Variants in CSRNP3 observed in about 807,000 individuals in gnomAD.
CSRNP3 encodes cysteine/serine-rich nuclear protein 3.
In CSRNP3, 12 loss-of-function variants were observed where a neutral mutation model predicts 48.0. That is an observed-to-expected ratio of 0.25 (90% confidence interval 0.16 to 0.41). The LOEUF (loss-of-function observed/expected upper bound fraction) is 0.41. Ranked by LOEUF, CSRNP3 falls within the 10% of genes least tolerant of loss-of-function variation. The pLI is 1.00. For missense variants in CSRNP3, 580 were observed against 724.4 expected, an observed-to-expected ratio of 0.80 and a Z score of 2.29; for synonymous variants, 263 against 269.7, an observed-to-expected ratio of 0.98 and a Z score of 0.24.
At chr2:165,653,151 A>G (rs532835406) in intron 4 of CSRNP3, among the ~76,000 whole-genome samples, 1 of 152,114 alleles carries the variant, frequency 6.6e-6, no homozygotes, top group Non-Finnish European at 1.5e-5. Flanking sequence ...ATAGCCCATA[A>G]AGGCTCATGT....
intron 4 of CSRNP3, among the ~76,000 whole-genome samples, chr2:165,656,392 A>G (rs1687005747): frequency 6.6e-6 from 1 of 152,214 alleles, no homozygotes; most frequent in African/African-American, 2.4e-5. Context: ...ATGTTCCTGT[A>G]ACTAATAATA....
intron 4 of CSRNP3, among the ~76,000 whole-genome samples, chr2:165,654,576 A>G (rs1277997087): frequency 2.0e-5 from 3 of 152,196 alleles, no homozygotes; most frequent in East Asian, 1.9e-4. Context: ...CATCACTGGA[A>G]TGGAAGCTCC....
intron 2 of CSRNP3, among the ~76,000 whole-genome samples, chr2:165,515,091 G>A (rs1465476022): frequency 2.6e-5 from 4 of 151,874 alleles, no homozygotes; most frequent in South Asian, 4.2e-4. Context: ...AGGCTGAGAC[G>A]GGCGGATCAT....
intron 4 of CSRNP3, among the ~76,000 whole-genome samples, chr2:165,616,720 G>A (rs1308624101): frequency 6.6e-6 from 1 of 152,100 alleles, no homozygotes; most frequent in Non-Finnish European, 1.5e-5. Context: ...TGACTATAAT[G>A]TCTCTTGGAG....
At chr2:165,495,326 G>T (rs1439551297) in intron 2 of CSRNP3, among the ~76,000 whole-genome samples, 1 of 151,996 alleles carries the variant, frequency 6.6e-6, no homozygotes, top group Non-Finnish European at 1.5e-5. Flanking sequence ...ATGAGAAAAT[G>T]ATGTTTCTTT....
At chr2:165,636,830 A>AT (rs2105330885) in intron 4 of CSRNP3, among the ~76,000 whole-genome samples, 1 of 152,222 alleles carries the variant, frequency 6.6e-6, no homozygotes, top group South Asian at 2.1e-4. Flanking sequence ...TAATTAGTTC[A>AT]TTTACTAATT....
At chr2:165,478,574 A>G (rs1240903490) in intron 1 of CSRNP3, among the ~76,000 whole-genome samples, 2 of 152,172 alleles carry the variant, frequency 1.3e-5, no homozygotes, top group East Asian at 1.9e-4. Context: ...TATTTACCTT[A>G]CTTTTCTTCT....
At chr2:165,652,947 A>G (rs1686938932) in intron 4 of CSRNP3, among the ~76,000 whole-genome samples, 1 of 152,212 alleles carries the variant, frequency 6.6e-6, no homozygotes, top group African/African-American at 2.4e-5. Context: ...TGAACTCTGT[A>G]GAGACACAAA....
Position 165,611,305 on chromosome 2 carries a change from G to A in CSRNP3, c.148+16092G>A, listed in dbSNP as rs1367228650. ...AGGGATAAATGAGAACACTGAAGATGATAACTATGTGAGGCAACACAATTG... is the reference window on the plus strand; with the variant it reads ...AGGGATAAATGAGAACACTGAAGATAATAACTATGTGAGGCAACACAATTG... On this transcript the variant is annotated intron_variant, in intron 4 of 6. Transcript: ENST00000651982. Among the ~76,000 whole-genome samples the A allele has an allele frequency of 4.0e-5, 6 of 151,786 alleles. No homozygotes were observed. In the East Asian group the frequency reaches 1.2e-3, roughly 29 times the overall value.
chr2:165,531,581 G>T (rs1209465733), intron 3 of CSRNP3, among the ~76,000 whole-genome samples: 1 of 152,148 alleles, frequency 6.6e-6, no homozygotes, highest in Non-Finnish European at 1.5e-5. Flanking sequence ...CAAAGGACAT[G>T]AACTCATTAT....
chr2:165,668,001 A>G (rs1377962796), intron 5 of CSRNP3, among the ~76,000 whole-genome samples: 1 of 152,214 alleles, frequency 6.6e-6, no homozygotes, highest in Non-Finnish European at 1.5e-5. Flanking sequence ...ATCAATTACT[A>G]TGGGACTGGT....
intron 2 of CSRNP3, among the ~76,000 whole-genome samples, chr2:165,511,918 G>A (rs1055791772): frequency 6.6e-6 from 1 of 152,138 alleles, no homozygotes; most frequent in Non-Finnish European, 1.5e-5. Context: ...ATTTAATCAG[G>A]TGGGTTTTTT....
chr2:165,547,643 A>G (rs1310007945), intron 3 of CSRNP3, among the ~76,000 whole-genome samples: 1 of 151,874 alleles, frequency 6.6e-6, no homozygotes, highest in Non-Finnish European at 1.5e-5. Flanking sequence ...CTTCTTTTAG[A>G]TTTTACTGAA....
At chr2:165,665,971 G>A (rs77633938) in intron 5 of CSRNP3, among the ~76,000 whole-genome samples, 90,929 of 120,086 alleles carry the variant, frequency 0.76, 33,993 homozygotes, top group Middle Eastern at 0.81. Flanking sequence ...AAAGAGAGAG[G>A]GGAAGAAAGA....
intron 4 of CSRNP3, among the ~76,000 whole-genome samples, chr2:165,610,218 TATC>T (rs969723850): frequency 7.2e-5 from 11 of 152,216 alleles, no homozygotes; most frequent in African/African-American, 2.7e-4. Flanking sequence ...TGTGCTTTAA[TATC>T]ATTATATTGT....
intron 3 of CSRNP3, among the ~76,000 whole-genome samples, chr2:165,528,369 A>T (rs1684767732): frequency 6.6e-6 from 1 of 152,164 alleles, no homozygotes; most frequent in Admixed American, 6.5e-5. Flanking sequence ...TTGATCTTTT[A>T]GAATCAAATC....
rs530125587 is a variant in CSRNP3 at position 165,519,759 on chromosome 2, C to T, written c.-24+1798C>T. Among the ~76,000 whole-genome samples the T allele has an allele frequency of 3.3e-5, 5 of 151,984 alleles. 1 individual carries two copies. Among genetic ancestry groups the T allele is most frequent in the African/African-American group, 1.2e-4 (5 of 41,468 alleles). ...TTCTTGCCTGAGTGGAAATTACATTCTAGTGGATGGAAATAGGTAATAAAA... is the reference window on the plus strand; with the variant it reads ...TTCTTGCCTGAGTGGAAATTACATTTTAGTGGATGGAAATAGGTAATAAAA... On this transcript the variant is annotated intron_variant, in intron 3 of 6. Coordinates refer to ENST00000651982, the MANE Select transcript of CSRNP3 (RefSeq NM_001172173.2).
chr2:165,509,905 T>C (rs1684479439), intron 2 of CSRNP3, among the ~76,000 whole-genome samples: 1 of 152,202 alleles, frequency 6.6e-6, no homozygotes, highest in Non-Finnish European at 1.5e-5. Context: ...TGTCTTTCCT[T>C]GTTTTTTATT....
At chr2:165,533,736 A>G (rs1684845777) in intron 3 of CSRNP3, among the ~76,000 whole-genome samples, 1 of 152,078 alleles carries the variant, frequency 6.6e-6, no homozygotes, top group South Asian at 2.1e-4. Flanking sequence ...TAGGTTCAAT[A>G]TAAACCTTAG....
Sources: gnomAD v4.1 joint callset for allele counts (sites outside exome capture counted in the v4.1 genomes callset) on GRCh38, gnomAD v4.1.1 for gene constraint, MANE v1.5 for transcripts, NCBI Gene and HGNC (gene_info 2026-07-23, HGNC 2026-07-21) for gene names.